Variants in AHCYL2 observed in about 807,000 individuals in gnomAD.
AHCYL2 encodes the protein S-adenosylhomocysteine hydrolase-like protein 2.
In AHCYL2, 28 loss-of-function variants were observed where a neutral mutation model predicts 81.4. The observed-to-expected ratio is 0.34, with a 90% CI of 0.25 to 0.47. AHCYL2 has a LOEUF of 0.47. Among genes scored for constraint, AHCYL2 ranks in the 20% least tolerant of loss-of-function variants. The pLI, the probability that AHCYL2 is intolerant of heterozygous loss-of-function variation, is 1.00. For synonymous variants in AHCYL2, 272 were observed against 290.2 expected, an observed-to-expected ratio of 0.94 and a Z score of 0.64; for missense variants, 551 against 785.1, an observed-to-expected ratio of 0.70 and a Z score of 3.56.
chr7:129,345,882 T>TG (rs1403239076), intron 1 of AHCYL2, among the ~76,000 whole-genome samples: 5 of 151,848 alleles, frequency 3.3e-5, no homozygotes, highest in South Asian at 2.1e-4. Flanking sequence ...AGAGCAGGTT[T>TG]GGGGGGGTAA....
intron 1 of AHCYL2, among the ~76,000 whole-genome samples, chr7:129,273,321 CTT>C (rs35236990): frequency 1.3e-5 from 1 of 75,886 alleles, no homozygotes; most frequent in African/African-American, 5.4e-5. Context: ...TTTGCTAAGA[CTT>C]TTTTTTTTTT....
At chr7:129,272,143 T>C (rs1196093265) in intron 1 of AHCYL2, among the ~76,000 whole-genome samples, 1 of 152,184 alleles carries the variant, frequency 6.6e-6, no homozygotes, top group East Asian at 1.9e-4. Context: ...TGCCATGCTG[T>C]GAGGAGTCCA....
intron 1 of AHCYL2, among the ~76,000 whole-genome samples, chr7:129,254,046 G>C (rs1795329291): frequency 6.6e-6 from 1 of 152,120 alleles, no homozygotes; most frequent in South Asian, 2.1e-4. Context: ...CTTGGTTTAA[G>C]TATTACAGAA....
chr7:129,408,783 G>A (rs906037322), intron 10 of AHCYL2, among the ~76,000 whole-genome samples: 1 of 152,168 alleles, frequency 6.6e-6, no homozygotes, highest in Non-Finnish European at 1.5e-5. Flanking sequence ...ATATCCAAAG[G>A]TTGGCTGAAG....
chr7:129,400,613 C>G (rs1486654696), intron 6 of AHCYL2, among the ~76,000 whole-genome samples: 1 of 152,068 alleles, frequency 6.6e-6, no homozygotes, highest in Non-Finnish European at 1.5e-5. Context: ...ATGTTGGAAG[C>G]ATTTATATTC....
rs1425456326 is a variant in AHCYL2, at chr7:129,428,938, T to C, written c.*1893T>C. The stretch of plus-strand genomic sequence containing the variant: ...TTTGCCTACCTAGTCCTGATTTTTG[T>C]ATTAATTGGTTCCCTTTAGCAAGGG... On this transcript the variant is annotated 3_prime_UTR_variant, in exon 17 of 17. Transcript: ENST00000325006. 6.6e-6 allele frequency: 1 copy of C among 152,244 alleles called. No homozygotes were observed. The highest frequency in any genetic ancestry group is 2.4e-5 in the African/African-American group (1 of 41,464). The allele number at this position is 152,244 out of a possible 1,614,324, so 9.4% of individuals were successfully genotyped here. A position where few individuals can be genotyped will look rare whatever the true frequency, so the allele number is the denominator to read the frequency against.
At chr7:129,362,280 CTT>C (rs1777820065) in intron 1 of AHCYL2, among the ~76,000 whole-genome samples, 1 of 152,116 alleles carries the variant, frequency 6.6e-6, no homozygotes, top group Non-Finnish European at 1.5e-5. Context: ...AGCCTATAGT[CTT>C]TACCTGTAAT....
At chr7:129,392,846 T>A (rs1483244343) in intron 4 of AHCYL2, among the ~76,000 whole-genome samples, 1 of 152,252 alleles carries the variant, frequency 6.6e-6, no homozygotes, top group African/African-American at 2.4e-5. Flanking sequence ...CAGAACAGTT[T>A]CTCAGTCTTT....
chr7:129,426,918 C>T lies in AHCYL2; in HGVS notation c.1830-121C>T. ...TGTGAAAAGGAAACACAGTTATTTC[C>T]TGTCACTGTACACTCCAGAAAAGTC... On this transcript the variant is annotated intron_variant, in intron 16 of 16. Coordinates refer to ENST00000325006, the MANE Select transcript of AHCYL2 (RefSeq NM_015328.4). The surrounding 1 kb of genome is among the most constrained non-coding windows in gnomAD (Gnocchi z 4.3). 4.3e-6 allele frequency: 4 copies of T among 934,254 alleles called. No individual in the cohort carries two copies. The highest frequency in any genetic ancestry group is 6.6e-6 in the Non-Finnish European group (4 of 603,988). The allele number at this position is 934,254 out of a possible 1,614,324, so 57.9% of individuals were successfully genotyped here.
intron 12 of AHCYL2, among the ~76,000 whole-genome samples, chr7:129,418,825 C>A (rs1268700521): frequency 6.6e-6 from 1 of 152,134 alleles, no homozygotes; most frequent in African/African-American, 2.4e-5. Flanking sequence ...CAGGTTCTTT[C>A]AGTATTTCTG....
intron 1 of AHCYL2, among the ~76,000 whole-genome samples, chr7:129,296,711 A>C (rs1797061630): frequency 6.6e-6 from 1 of 152,142 alleles, no homozygotes; most frequent in African/African-American, 2.4e-5. Flanking sequence ...CCCTGTCTCT[A>C]AAAAATAAAA....
intron 1 of AHCYL2, among the ~76,000 whole-genome samples, chr7:129,301,452 A>G (rs921577423): frequency 3.3e-5 from 5 of 152,154 alleles, no homozygotes; most frequent in African/African-American, 1.2e-4. Flanking sequence ...AATGTCCTGG[A>G]GAGTTTCCCC....
intron 3 of AHCYL2, 132 bp downstream of exon 3, chr7:129,389,331 G>C: frequency 9.7e-7 from 1 of 1,035,998 alleles, no homozygotes; most frequent in Non-Finnish European, 1.4e-6. Context: ...CAAAAGAAAT[G>C]TGAGTTCAAG....
intron 11 of AHCYL2, 132 bp from the exon 12 acceptor site, chr7:129,413,462 G>C: frequency 1.3e-6 from 1 of 768,272 alleles, no homozygotes; most frequent in Non-Finnish European, 2.1e-6. Flanking sequence ...TTTTTAAGTT[G>C]TCTTCTTCTT....
chr7:129,365,049 C>A (rs1432904209), intron 1 of AHCYL2, among the ~76,000 whole-genome samples: 1 of 152,162 alleles, frequency 6.6e-6, no homozygotes, highest in Non-Finnish European at 1.5e-5. Flanking sequence ...TTCTTAAGCA[C>A]CTACTATATC....
At chr7:129,236,974 G>A (rs1794665138) in intron 1 of AHCYL2, among the ~76,000 whole-genome samples, 1 of 151,448 alleles carries the variant, frequency 6.6e-6, no homozygotes, top group African/African-American at 2.4e-5. Flanking sequence ...CTTCGTATTG[G>A]ATTTTTTTTT....
intron 3 of AHCYL2, 21 bp downstream of exon 3, chr7:129,389,220 T>TA (rs1235023516): frequency 3.1e-6 from 5 of 1,613,548 alleles, no homozygotes; most frequent in Non-Finnish European, 4.2e-6. Context: ...CAAGCACCTT[T>TA]TCCTTCTTAA....
At position 129,308,642 on chromosome 7, in the gene AHCYL2, A is replaced by G. The variant is rs115948301; in HGVS notation, c.364-70996A>G. 4.4e-3 allele frequency among the ~76,000 whole-genome samples: 665 copies of G among 152,354 alleles called. 9 individuals are homozygous for G. The highest frequency in any genetic ancestry group is 0.015 in the African/African-American group (627 of 41,578). ...GATCAGTGGAGACTTCTATTCAGCT[A>G]TCTTACTCCATGTCTTCTCAGGAGA... is the stretch of plus-strand genomic sequence containing the variant. On this transcript the variant is annotated intron_variant, in intron 1 of 16. Coordinates refer to ENST00000325006, the MANE Select transcript of AHCYL2 (RefSeq NM_015328.4).
chr7:129,277,875 G>A (rs915964830), intron 1 of AHCYL2, among the ~76,000 whole-genome samples: 6 of 152,118 alleles, frequency 3.9e-5, no homozygotes, highest in Non-Finnish European at 8.8e-5. Flanking sequence ...CCAGTTTGAG[G>A]CTATCATAAA....
Sources: allele counts gnomAD v4.1 joint callset (sites outside exome capture counted in the v4.1 genomes callset), GRCh38; gene constraint gnomAD v4.1.1; non-coding constraint Gnocchi (gnomAD v3.1); transcripts MANE v1.5; gene names NCBI Gene and HGNC (gene_info 2026-07-23, HGNC 2026-07-21).